The following SLC18A1 variants were observed in gnomAD, a reference collection of about 807,000 sequenced individuals.
SLC18A1 encodes chromaffin granule amine transporter.
In SLC18A1, 69 loss-of-function variants were observed where a neutral mutation model predicts 53.7. The observed-to-expected ratio is 1.28, with a 90% CI of 1.06 to 1.57. The LOEUF (loss-of-function observed/expected upper bound fraction) is 1.57. SLC18A1 is among the 40% of genes most tolerant of loss of function. The pLI, the probability that SLC18A1 is intolerant of heterozygous loss-of-function variation, is 0.00. For missense variants in SLC18A1, 932 were observed against 668.1 expected, an observed-to-expected ratio of 1.40 and a Z score of -4.35; for synonymous variants, 320 against 248.1, an observed-to-expected ratio of 1.29 and a Z score of -2.72.
At position 20,145,622 on chromosome 8, in the gene SLC18A1, T is replaced by C. The variant is rs1246121169; in HGVS notation, c.*141A>G. ...CAGGTGAGAAGAGTATCAGGGACAG[T>C]GTCCATGGGAGGGGAGGAAAGAAGA... On this transcript the variant is annotated 3_prime_UTR_variant, in exon 16 of 16. Coordinates refer to ENST00000276373, the MANE Select transcript of SLC18A1 (RefSeq NM_003053.4). The C allele has an allele frequency of 9.4e-6, 5 of 531,744 alleles. No individual in the cohort carries two copies. Among genetic ancestry groups the C allele is most frequent in the Middle Eastern group, 3.4e-4 (1 of 2,976 alleles). 32.9% of individuals were successfully genotyped at this position (531,744 alleles called of 1,614,324 possible).
chr8:20,149,662 C>T lies in SLC18A1; in HGVS notation c.1146+14G>A. 1 of 1,608,842 alleles carries T rather than the reference C, an allele frequency of 6.2e-7. No homozygotes were observed. ...TCTCTCTCCTTCCCCTCCCCCAGGTCTTCTTATACTTACACAGAGCAAGCT... is the reference window on the plus strand; with the variant it reads ...TCTCTCTCCTTCCCCTCCCCCAGGTTTTCTTATACTTACACAGAGCAAGCT... On this transcript the variant is annotated intron_variant, in intron 12 of 15. Coordinates refer to ENST00000276373, the MANE Select transcript of SLC18A1 (RefSeq NM_003053.4).
At chr8:20,161,236 G>A (rs1224496315) in intron 10 of SLC18A1, among the ~76,000 whole-genome samples, 1 of 152,108 alleles carries the variant, frequency 6.6e-6, no homozygotes, top group Non-Finnish European at 1.5e-5. Context: ...TTAATCCTGA[G>A]GCAAATTCCC....
In SLC18A1 at chr8:20,150,670, C is replaced by G. The variant is rs771063969; in HGVS notation, c.1090G>C (p.Gly364Arg). 1.2e-6 allele frequency: 2 copies of G among 1,613,878 alleles called. No homozygotes were observed. Among genetic ancestry groups the G allele is most frequent in the African/African-American group, 2.7e-5 (2 of 74,908 alleles). The part of the protein sequence containing the change: ...NLFGVLANKM[G>R]RWLCSLIGML... The stretch of plus-strand genomic sequence containing the variant: ...CCAGATCCCGAGGCTACATACCGAC[C>G]CATCTTGTTGGCCAACACACCAAAG... Residue 364 changes from glycine to arginine, a missense_variant, in exon 11 of 16, where the codon GGT (glycine) becomes CGT (arginine). Gly to Arg is a moderately radical substitution (Grantham distance 125). Coordinates refer to ENST00000276373, the MANE Select transcript of SLC18A1 (RefSeq NM_003053.4).
intron 8 of SLC18A1, among the ~76,000 whole-genome samples, chr8:20,165,963 C>T (rs1026262026): frequency 3.4e-4 from 51 of 152,094 alleles, no homozygotes; most frequent in African/African-American, 1.2e-3. Context: ...CCTCTCTGCA[C>T]ACACACAATA....
At position 20,165,084 on chromosome 8, in the gene SLC18A1, A is replaced by T. The variant is rs200999134; in HGVS notation, c.882T>A (p.Phe294Leu). Residue 294 changes from phenylalanine to leucine, a missense_variant, in exon 9 of 16, where the codon TTT becomes TTA. Coordinates refer to ENST00000276373, the MANE Select transcript of SLC18A1 (RefSeq NM_003053.4). ...GGATGTAAGGGTCTTTGAGAAGCAT[A>T]AAGAGGGGAGTCCCCTTGGCACTCT... ...SPESAKGTPL[F>L]MLLKDPYILV... The T allele has an allele frequency of 1.1e-5, 18 of 1,614,082 alleles. No individual in the cohort carries two copies. Among genetic ancestry groups the T allele is most frequent in the South Asian group, 5.5e-5 (5 of 91,086 alleles).
In SLC18A1 at chr8:20,180,993, C is replaced by T. The variant is rs763515898; in HGVS notation, c.-29G>A. On this transcript the variant is annotated 5_prime_UTR_variant, in exon 2 of 16. Transcript: ENST00000276373. ...GATGGCCGGACTGGGGCAGTCTTCC[C>T]CTGCGGGCTCTTAGGGAAGGTCCTG... 1 of 1,552,816 alleles carries T rather than the reference C, an allele frequency of 6.4e-7. No individual in the cohort carries two copies. Among genetic ancestry groups the T allele is most frequent in the East Asian group, 2.4e-5 (1 of 41,060 alleles).
At chr8:20,160,845 T>A (rs73608309) in intron 10 of SLC18A1, among the ~76,000 whole-genome samples, 1 of 152,004 alleles carries the variant, frequency 6.6e-6, no homozygotes, top group Non-Finnish European at 1.5e-5. Flanking sequence ...TGGGTCATAA[T>A]ACAGCCGAAG....
rs1057404756 is a variant in SLC18A1 at position 20,145,232 on chromosome 8, A to G, written c.*531T>C. 6.6e-6 allele frequency: 1 copy of G among 152,182 alleles called. No homozygotes were observed. The highest frequency in any genetic ancestry group is 1.5e-5 in the Non-Finnish European group (1 of 68,048). 9.4% of individuals were successfully genotyped at this position (152,182 alleles called of 1,614,324 possible). On this transcript the variant is annotated 3_prime_UTR_variant, in exon 16 of 16. Coordinates refer to ENST00000276373, the MANE Select transcript of SLC18A1 (RefSeq NM_003053.4). ...TTTATTAAAAAAAAAAATAAATGAA[A>G]AAAAACAAAACAAAACTCTTCAAGC...
intron 6 of SLC18A1, among the ~76,000 whole-genome samples, chr8:20,172,818 C>T (rs1279494990): frequency 6.6e-6 from 1 of 152,160 alleles, no homozygotes; most frequent in African/African-American, 2.4e-5. Context: ...CTCACTTCCT[C>T]CAACAGGCTG....
chr8:20,159,936 T>C (rs967413787), intron 10 of SLC18A1, among the ~76,000 whole-genome samples: 7 of 152,148 alleles, frequency 4.6e-5, no homozygotes, highest in Non-Finnish European at 8.8e-5. Context: ...ATGGCTCTGG[T>C]ATAAGGAACT....
intron 4 of SLC18A1, among the ~76,000 whole-genome samples, chr8:20,178,017 T>A (rs1230247795): frequency 1.3e-5 from 2 of 152,168 alleles, no homozygotes; most frequent in African/African-American, 4.8e-5. Context: ...CAATTTCCAT[T>A]TTTTTGTGAG....
chr8:20,174,548 A>C, intron 4 of SLC18A1, 104 bp from the exon 5 acceptor site: 2 of 722,884 alleles, frequency 2.8e-6, no homozygotes, highest in South Asian at 3.0e-5. Context: ...GTCTTGATGC[A>C]TATGTTTTTA....
At chr8:20,169,359 T>A (rs1020809144) in intron 8 of SLC18A1, among the ~76,000 whole-genome samples, 1 of 152,014 alleles carries the variant, frequency 6.6e-6, no homozygotes, top group Non-Finnish European at 1.5e-5. Context: ...GAAGACATTA[T>A]CGGAATAATT....
intron 4 of SLC18A1, among the ~76,000 whole-genome samples, chr8:20,178,046 T>C (rs1485005531): frequency 1.3e-5 from 2 of 151,948 alleles, no homozygotes; most frequent in East Asian, 3.9e-4. Context: ...TTCCATGGCA[T>C]AACAAAATAA....
Position 20,167,631 on chromosome 8 carries a change from G to T in SLC18A1, c.859-2524C>A, listed in dbSNP as rs1244310304. Among the ~76,000 whole-genome samples the T allele has an allele frequency of 2.0e-5, 3 of 151,264 alleles. No homozygotes were observed. The South Asian group carries it at 6.3e-4, about 32-fold the overall frequency. On this transcript the variant is annotated intron_variant, in intron 8 of 15. Coordinates refer to ENST00000276373, the MANE Select transcript of SLC18A1 (RefSeq NM_003053.4). ...GTTTTTTGTTTTTTTTGTTTTTTTT[G>T]TTTTTTTGAGACAGAGTCTTGCTCT...
rs2071363755 is a variant in SLC18A1, at chr8:20,145,218, A to AT, written c.*544_*545insA. 1 of 73,356 alleles carries AT rather than the reference A, an allele frequency of 1.4e-5. No individual in the cohort carries two copies. The highest frequency in any genetic ancestry group is 1.2e-4 in the Admixed American group (1 of 8,472). 4.5% of individuals were successfully genotyped at this position (73,356 alleles called of 1,614,324 possible). On this transcript the variant is annotated 3_prime_UTR_variant, in exon 16 of 16. Coordinates refer to ENST00000276373, the MANE Select transcript of SLC18A1 (RefSeq NM_003053.4). ...GAAAAATCACTCACTTTATTAAAAA[A>AT]AAAAATAAATGAAAAAAAACAAAAC...
At chr8:20,152,288 G>C (rs1211640554) in intron 10 of SLC18A1, among the ~76,000 whole-genome samples, 1 of 152,186 alleles carries the variant, frequency 6.6e-6, no homozygotes, top group Non-Finnish European at 1.5e-5. Flanking sequence ...AAGGGCAATG[G>C]AAGCTTTGGA....
chr8:20,171,977 A>C (rs1210886548), intron 6 of SLC18A1, among the ~76,000 whole-genome samples: 1 of 152,252 alleles, frequency 6.6e-6, no homozygotes, highest in Non-Finnish European at 1.5e-5. Flanking sequence ...TTGCGAGGAG[A>C]AAAGTAGAGC....
intron 10 of SLC18A1, 183 bp from the exon 11 acceptor site, chr8:20,150,927 T>C: frequency 1.7e-6 from 1 of 599,316 alleles, no homozygotes; most frequent in South Asian, 2.0e-5. Context: ...ACACCTCTCC[T>C]TTCTTCAGGA....
Sources: allele counts gnomAD v4.1 joint callset (sites outside exome capture counted in the v4.1 genomes callset), GRCh38; gene constraint gnomAD v4.1.1; transcripts MANE v1.5; gene names NCBI Gene and HGNC (gene_info 2026-07-23, HGNC 2026-07-21).